HIP1: variants seen among roughly 807,000 people sequenced by gnomAD.
The protein encoded by HIP1 is huntingtin-interacting protein 1.
A neutral mutation model predicts 147.6 loss-of-function variants in HIP1; 65 were observed. That is an observed-to-expected ratio of 0.44 (90% confidence interval 0.36 to 0.54). The LOEUF is 0.54. Ranked by LOEUF, HIP1 falls within the 20% of genes least tolerant of loss-of-function variation. HIP1 has a pLI of 0.00. For missense variants in HIP1, 1,061 were observed against 1,299.6 expected, an observed-to-expected ratio of 0.82 and a Z score of 2.82; for synonymous variants, 479 against 504.0, an observed-to-expected ratio of 0.95 and a Z score of 0.67.
chr7:75,689,779 A>G (rs1800384722), intron 1 of HIP1, among the ~76,000 whole-genome samples: 1 of 152,036 alleles, frequency 6.6e-6, no homozygotes, highest in Non-Finnish European at 1.5e-5. Flanking sequence ...TCTCTGAGCA[A>G]CCTCAGCCAG....
At chr7:75,684,790 C>T (rs1247319457) in intron 1 of HIP1, among the ~76,000 whole-genome samples, 1 of 151,822 alleles carries the variant, frequency 6.6e-6, no homozygotes, top group South Asian at 2.1e-4. Flanking sequence ...TCAAAGCATG[C>T]ACATTTAAAA....
At chr7:75,715,456 CACAGAGAG>C (rs201572214) in intron 1 of HIP1, among the ~76,000 whole-genome samples, 8,805 of 143,522 alleles carry the variant, frequency 0.061, 328 homozygotes, top group East Asian at 0.17. Flanking sequence ...GAGAGACACA[CACAGAGAG>C]AGAGAGAGAG....
At chr7:75,699,738 C>T (rs1327372973) in intron 1 of HIP1, among the ~76,000 whole-genome samples, 3 of 152,216 alleles carry the variant, frequency 2.0e-5, no homozygotes, top group African/African-American at 7.2e-5. Flanking sequence ...GCCTACCAGA[C>T]CCTGAAGGTG....
In HIP1 at chr7:75,582,086, G is replaced by A. The variant is rs782185749; in HGVS notation, c.531C>T (p.Asp177=). 17 of 1,613,760 alleles carry A rather than the reference G, an allele frequency of 1.1e-5. No homozygotes were observed. The highest frequency in any genetic ancestry group is 1.7e-5 in the Admixed American group (1 of 59,952). ...CAGGAGCCACTTACAAGTTGTTCAC[G>A]TCACTTTCTCCAGCCTCGTCCAGCT... The part of the protein sequence containing the change: ...DRQLDEAGES[D]VNNFFQLTVE... Residue 177 remains aspartate (D), a synonymous_variant, in exon 6 of 31, where the codon GAC becomes GAT. Coordinates refer to ENST00000336926, the MANE Select transcript of HIP1 (RefSeq NM_005338.7).
At chr7:75,732,649 G>A (rs782790554) in intron 1 of HIP1, among the ~76,000 whole-genome samples, 1 of 152,258 alleles carries the variant, frequency 6.6e-6, no homozygotes. Flanking sequence ...CCAAAATGCT[G>A]GGATGATAAA....
At position 75,544,684 on chromosome 7, in the gene HIP1, C is replaced by T; in HGVS notation, c.2766+11G>A. 6.4e-7 allele frequency: 1 copy of T among 1,563,620 alleles called. No individual in the cohort carries two copies. The highest frequency in any genetic ancestry group is 8.8e-7 in the Non-Finnish European group (1 of 1,133,908). ...CCTTCCAGCGTCCTAGGAGGTCCAGCCAGGTCCTACCTTGGATGCAGCCAC... is the reference window on the plus strand; with the variant it reads ...CCTTCCAGCGTCCTAGGAGGTCCAGTCAGGTCCTACCTTGGATGCAGCCAC... On this transcript the variant is annotated intron_variant, in intron 27 of 30. Transcript: ENST00000336926.
At position 75,678,332 on chromosome 7, in the gene HIP1, C is replaced by T. The variant is rs1799960082; in HGVS notation, c.120+60469G>A. 7.1e-5 allele frequency among the ~76,000 whole-genome samples: 10 copies of T among 141,008 alleles called. No individual in the cohort carries two copies. The South Asian group carries it at 2.3e-3, about 32-fold the overall frequency. 92.5% of individuals were successfully genotyped at this position (141,008 alleles called of 152,430 possible). A position where few individuals can be genotyped will look rare whatever the true frequency, so the allele number is the denominator to read the frequency against. On this transcript the variant is annotated intron_variant, in intron 1 of 30. Coordinates refer to ENST00000336926, the MANE Select transcript of HIP1 (RefSeq NM_005338.7). Reference sequence around the variant, plus strand: ...GCAGCCATGAAGGAGCAGTCTTATTCCTTTATTCTTTTTTTTTTTTTTTTT... The same window carrying T: ...GCAGCCATGAAGGAGCAGTCTTATTTCTTTATTCTTTTTTTTTTTTTTTTT...
intron 1 of HIP1, among the ~76,000 whole-genome samples, chr7:75,637,197 A>G (rs1798453192): frequency 6.6e-6 from 1 of 152,098 alleles, no homozygotes; most frequent in African/African-American, 2.4e-5. Context: ...GCCTTCGATG[A>G]TGTTTCTTTG....
chr7:75,536,265 C>G lies in HIP1; in HGVS notation c.*1907G>C, dbSNP rs587666565. ...TCCTTAGCCCAGTATGGAGGTCACA[C>G]GTCTGAGTATGGTCATCCGAGGTCC... On this transcript the variant is annotated 3_prime_UTR_variant, in exon 31 of 31. Coordinates refer to ENST00000336926, the MANE Select transcript of HIP1 (RefSeq NM_005338.7). 9.7e-6 allele frequency: 2 copies of G among 206,112 alleles called. No individual in the cohort carries two copies. Among genetic ancestry groups the G allele is most frequent in the Non-Finnish European group, 1.9e-5 (2 of 103,166 alleles). 12.8% of individuals were successfully genotyped at this position (206,112 alleles called of 1,614,324 possible). A position where few individuals can be genotyped will look rare whatever the true frequency, so the allele number is the denominator to read the frequency against.
intron 5 of HIP1, among the ~76,000 whole-genome samples, chr7:75,583,683 G>A (rs1183016401): frequency 1.3e-5 from 2 of 151,634 alleles, no homozygotes; most frequent in Admixed American, 1.3e-4. Flanking sequence ...TCGAATTCCT[G>A]GGCTCAAGTG....
intron 1 of HIP1, among the ~76,000 whole-genome samples, chr7:75,601,927 A>G (rs1477574427): frequency 6.7e-6 from 1 of 148,786 alleles, no homozygotes; most frequent in Non-Finnish European, 1.5e-5. Context: ...CTTTTCTATA[A>G]TGAAAGGTTA....
intron 1 of HIP1, among the ~76,000 whole-genome samples, chr7:75,639,590 T>TGTGTGTGTGTGTGC (rs533751823): frequency 7.8e-4 from 117 of 150,120 alleles, no homozygotes; most frequent in African/African-American, 2.4e-3. Context: ...TGTGTGTGTG[T>TGTGTGTGTGTGTGC]GTGCGCCCGC....
rs1798278590 is a variant in HIP1 at position 75,632,789 on chromosome 7, A to T, written c.121-33542T>A. Among the ~76,000 whole-genome samples, 3 of 152,176 alleles carry T rather than the reference A, an allele frequency of 2.0e-5. No homozygotes were observed. The South Asian group carries it at 6.2e-4, about 31-fold the overall frequency. On this transcript the variant is annotated intron_variant, in intron 1 of 30. Coordinates refer to ENST00000336926, the MANE Select transcript of HIP1 (RefSeq NM_005338.7). ...CTGACCGTAGTAAAAAACACATTTT[A>T]CTGTGGTACACATACACCATGGAAT...
intron 1 of HIP1, among the ~76,000 whole-genome samples, chr7:75,736,504 G>A (rs966389542): frequency 3.3e-5 from 5 of 151,674 alleles, no homozygotes; most frequent in African/African-American, 7.3e-5. Flanking sequence ...ATCACTTGAC[G>A]CCAGGAGTTT....
intron 22 of HIP1, 36 bp from the exon 23 acceptor site, chr7:75,549,037 G>C (rs1794679915): frequency 6.9e-7 from 1 of 1,453,950 alleles, no homozygotes; most frequent in Admixed American, 1.7e-5. Flanking sequence ...CTGACCTTGG[G>C]GCCTCCTGTC....
At chr7:75,610,393 G>A (rs904935657) in intron 1 of HIP1, among the ~76,000 whole-genome samples, 2 of 151,534 alleles carry the variant, frequency 1.3e-5, no homozygotes, top group Non-Finnish European at 2.9e-5. Flanking sequence ...TGTATTTTTT[G>A]TAGAGATGGG....
chr7:75,555,119 G>C (rs1005230693), intron 19 of HIP1, among the ~76,000 whole-genome samples: 2 of 143,210 alleles, frequency 1.4e-5, no homozygotes, highest in South Asian at 4.4e-4. Flanking sequence ...CCCAGGAAGC[G>C]GAGGTTGCAG....
intron 1 of HIP1, among the ~76,000 whole-genome samples, chr7:75,671,134 C>T (rs62475556): frequency 0.085 from 12,965 of 152,122 alleles, 673 homozygotes; most frequent in South Asian, 0.12. Flanking sequence ...GCTCTTGTTG[C>T]CCAGGCTGGA....
chr7:75,684,076 C>T (rs1457012994), intron 1 of HIP1, among the ~76,000 whole-genome samples: 2 of 150,478 alleles, frequency 1.3e-5, no homozygotes, highest in East Asian at 2.0e-4. Flanking sequence ...ACCAGGAGTT[C>T]GAGACCAGCC....
Sources: gnomAD v4.1 joint callset for allele counts (sites outside exome capture counted in the v4.1 genomes callset) on GRCh38, gnomAD v4.1.1 for gene constraint, MANE v1.5 for transcripts, NCBI Gene and HGNC (gene_info 2026-07-23, HGNC 2026-07-21) for gene names.